Variants in TNPO3 observed in about 807,000 individuals in gnomAD.
The protein encoded by TNPO3 is transportin-3.
A neutral mutation model predicts 122.8 loss-of-function variants in TNPO3; 65 were observed. The ratio of observed to expected loss-of-function variants is 0.53; its 90% confidence interval spans 0.43 to 0.65. The LOEUF (loss-of-function observed/expected upper bound fraction) is 0.65. TNPO3 is among the 30% of genes least tolerant of loss of function. The probability of loss-of-function intolerance (pLI) is 0.00; values close to 1 mark genes in which losing one functional copy is unlikely to be tolerated. For synonymous variants in TNPO3, 372 were observed against 411.2 expected (o/e 0.90, Z 1.15); for missense variants, 850 against 1,136.7 (o/e 0.75, Z 3.63).
intron 1 of TNPO3, among the ~76,000 whole-genome samples, chr7:129,038,920 C>A (rs1264233683): frequency 6.6e-6 from 1 of 152,070 alleles, no homozygotes; most frequent in African/African-American, 2.4e-5. Flanking sequence ...TACAACAAAC[C>A]CCTATGACAC....
At chr7:129,033,563 T>C (rs1474326821) in intron 1 of TNPO3, among the ~76,000 whole-genome samples, 1 of 152,150 alleles carries the variant, frequency 6.6e-6, no homozygotes, top group Non-Finnish European at 1.5e-5. Context: ...AAATTAAAAA[T>C]AGAACTACCA....
chr7:129,045,809 T>C (rs1807967674), intron 1 of TNPO3, among the ~76,000 whole-genome samples: 1 of 152,106 alleles, frequency 6.6e-6, no homozygotes, highest in Non-Finnish European at 1.5e-5. Context: ...AGAAATACTG[T>C]CACAAAATCA....
intron 5 of TNPO3, among the ~76,000 whole-genome samples, chr7:129,004,209 C>T (rs1802323930): frequency 6.6e-6 from 1 of 152,144 alleles, no homozygotes. Flanking sequence ...ATCAATCTAG[C>T]ATCATGGTAC....
chr7:128,980,573 C>T (rs1430371583), intron 14 of TNPO3, among the ~76,000 whole-genome samples: 1 of 152,120 alleles, frequency 6.6e-6, no homozygotes, highest in Non-Finnish European at 1.5e-5. Context: ...GCCTATAATC[C>T]CAGCTACTTA....
chr7:129,056,108 C>T, upstream of TNPO3: 5 of 1,104,962 alleles, frequency 4.5e-6, no homozygotes, highest in South Asian at 3.8e-5. Flanking sequence ...GCACTCAGAA[C>T]GCGGCCACTG....
intron 7 of TNPO3, among the ~76,000 whole-genome samples, chr7:128,999,858 C>T (rs1801739475): frequency 6.6e-6 from 1 of 152,040 alleles, no homozygotes; most frequent in Non-Finnish European, 1.5e-5. Flanking sequence ...GGTGATCTGC[C>T]CACCTCGGCC....
rs751304152 is a variant in TNPO3, at chr7:129,000,476, G to T, written c.964C>A (p.Arg322=). ...CTPGQGLGDL[R]TLELLLICAG... is the part of the protein sequence containing the mutation. ...CAGATAAGCAGCAGCTCCAGAGTTC[G>T]AAGGTCCCCAAGACCTTGGCCTGGA... is the stretch of plus-strand genomic sequence containing the variant. Residue 322 remains arginine (R), a synonymous_variant, in exon 7 of 23, where the codon CGA becomes AGA. Coordinates refer to ENST00000265388, the MANE Select transcript of TNPO3 (RefSeq NM_012470.4). 1 of 1,614,082 alleles carries T rather than the reference G, an allele frequency of 6.2e-7. No individual in the cohort carries two copies.
chr7:129,027,558 C>CAAAAAAAAAAAA (rs71162549), intron 1 of TNPO3, among the ~76,000 whole-genome samples: 4 of 8,972 alleles, frequency 4.5e-4, no homozygotes, highest in Non-Finnish European at 5.4e-4. Context: ...AAGACTGTCT[C>CAAAAAAAAAAAA]AAAAAAAAAA....
chr7:128,993,833 T>A lies in TNPO3; in HGVS notation c.1240A>T (p.Ile414Leu), dbSNP rs753697355. The change falls in exon 9 of 23, where the codon ATA (isoleucine) becomes TTA (leucine). Residue 414 changes from isoleucine (I) to leucine (L), a missense_variant. Coordinates refer to ENST00000265388, the MANE Select transcript of TNPO3 (RefSeq NM_012470.4). ...SDLVKDLIFL[I>L]GSMECFAQLY... ...TGAGCAAAACACTCCATAGACCCTA[T>A]CAAGAAAATCAAGTCCTTTACCAGG... 1 of 1,613,906 alleles carries A rather than the reference T, an allele frequency of 6.2e-7. No homozygotes were observed. The highest frequency in any genetic ancestry group is 1.3e-5 in the African/African-American group (1 of 74,904).
In TNPO3 at chr7:128,983,452, T is replaced by C. The variant is rs139037078; in HGVS notation, c.1782+716A>G. On this transcript the variant is annotated intron_variant, in intron 13 of 22. Transcript: ENST00000265388. ...CTCCGGACCTCAAATGATCCACCTG[T>C]CTAGGCCTCCAAAATGCTGGGATTA... Among the ~76,000 whole-genome samples, 296 of 152,190 alleles carry C rather than the reference T, an allele frequency of 1.9e-3. 3 individuals are homozygous for C. The highest frequency in any genetic ancestry group is 6.6e-3 in the African/African-American group (273 of 41,530).
rs1219718227 is a variant in TNPO3 at position 129,014,839 on chromosome 7, G to GGTAA, written c.552+136_552+139dup. 7.4e-5 allele frequency: 54 copies of GGTAA among 725,338 alleles called. No individual in the cohort carries two copies. The East Asian group carries it at 1.5e-3, about 20-fold the overall frequency. The allele number at this position is 725,338 out of a possible 1,614,324, so 44.9% of individuals were successfully genotyped here. On this transcript the variant is annotated intron_variant, in intron 4 of 22. Coordinates refer to ENST00000265388, the MANE Select transcript of TNPO3 (RefSeq NM_012470.4). ...ATAGTTTCTGAAAGTATGTTGTCAT[G>GGTAA]GTAAGGTGTTACATAAATACCAAAG...
intron 21 of TNPO3, among the ~76,000 whole-genome samples, chr7:128,962,567 G>A (rs1280123115): frequency 3.9e-5 from 6 of 152,156 alleles, no homozygotes; most frequent in Non-Finnish European, 8.8e-5. Flanking sequence ...AAAGTTCAAG[G>A]GCTTTCTGTC....
intron 16 of TNPO3, among the ~76,000 whole-genome samples, chr7:128,977,747 C>T (rs987305062): frequency 3.3e-5 from 5 of 152,130 alleles, no homozygotes; most frequent in African/African-American, 1.2e-4. Flanking sequence ...CAGGCGCCTG[C>T]CACTGCGCCT....
chr7:128,999,298 G>C (rs527891786), intron 7 of TNPO3, among the ~76,000 whole-genome samples: 1 of 152,294 alleles, frequency 6.6e-6, no homozygotes, highest in African/African-American at 2.4e-5. Context: ...TTCCTTGAGT[G>C]TGAGAGAAAG....
intron 3 of TNPO3, among the ~76,000 whole-genome samples, chr7:129,016,405 A>G (rs1803866984): frequency 6.6e-6 from 1 of 152,140 alleles, no homozygotes; most frequent in Admixed American, 6.6e-5. Flanking sequence ...AAAATAAAAT[A>G]AAATAAATAA....
At position 128,957,533 on chromosome 7, in the gene TNPO3, T is replaced by G. The variant is rs10236569; in HGVS notation, c.2712-218A>C. Among the ~76,000 whole-genome samples, 96,817 of 151,978 alleles carry G rather than the reference T, an allele frequency of 0.64. 31,164 individuals are homozygous for G. The highest frequency in any genetic ancestry group is 0.71 in the Middle Eastern group (209 of 294). ...TAAGCTTGGTGGTCTTCAAAGGGTGTACTCTGGACACAAACTGCCCGAGTT... is the reference window on the plus strand; with the variant it reads ...TAAGCTTGGTGGTCTTCAAAGGGTGGACTCTGGACACAAACTGCCCGAGTT... On this transcript the variant is annotated intron_variant, in intron 21 of 22. Coordinates refer to ENST00000265388, the MANE Select transcript of TNPO3 (RefSeq NM_012470.4).
chr7:128,972,309 T>A (rs1199378896), intron 19 of TNPO3, 117 bp downstream of exon 19: 2 of 1,171,276 alleles, frequency 1.7e-6, no homozygotes, highest in African/African-American at 1.5e-5. Context: ...CTATGATATA[T>A]GTCTACCAAT....
intron 1 of TNPO3, among the ~76,000 whole-genome samples, chr7:129,037,691 C>T (rs1459510063): frequency 6.6e-6 from 1 of 152,076 alleles, no homozygotes; most frequent in Non-Finnish European, 1.5e-5. Flanking sequence ...CTTCCCTGAA[C>T]AAAAGCCTTA....
chr7:128,973,143 A>C (rs368857890), intron 18 of TNPO3, among the ~76,000 whole-genome samples: 1 of 152,238 alleles, frequency 6.6e-6, no homozygotes, highest in Non-Finnish European at 1.5e-5. Flanking sequence ...AAAAAGTCCT[A>C]AAGATGCTAG....
Sources: allele counts gnomAD v4.1 joint callset (sites outside exome capture counted in the v4.1 genomes callset), GRCh38; gene constraint gnomAD v4.1.1; transcripts MANE v1.5; gene names NCBI Gene and HGNC (gene_info 2026-07-23, HGNC 2026-07-21).